Variants in MAPK14 observed in about 807,000 individuals in gnomAD.
MAPK14 encodes CSAID-binding protein.
In MAPK14, 16 loss-of-function variants were observed where a neutral mutation model predicts 49.6. That is an observed-to-expected ratio of 0.32 (90% CI 0.22 to 0.49). The LOEUF is 0.49. Ranked by LOEUF, MAPK14 falls within the 20% of genes least tolerant of loss-of-function variation. The pLI is 0.99. For missense variants in MAPK14, 200 were observed against 441.2 expected, an observed-to-expected ratio of 0.45 and a Z score of 4.90; for synonymous variants, 142 against 158.0, an observed-to-expected ratio of 0.90 and a Z score of 0.76.
chr6:36,064,413 GATA>G (rs1763963210), intron 3 of MAPK14, among the ~76,000 whole-genome samples: 1 of 152,062 alleles, frequency 6.6e-6, no homozygotes, highest in South Asian at 2.1e-4. Context: ...TTAGTCTTCT[GATA>G]CTTTTTCCTT....
the MAPK14 span, among the ~76,000 whole-genome samples, chr6:36,118,065 T>C: frequency 6.6e-6 from 1 of 152,262 alleles, no homozygotes; most frequent in African/African-American, 2.4e-5. Flanking sequence ...AGAATTGGCT[T>C]CTGATTCTCT....
intron 1 of MAPK14, among the ~76,000 whole-genome samples, chr6:36,047,635 C>T (rs1185081028): frequency 2.0e-5 from 3 of 152,164 alleles, no homozygotes; most frequent in Non-Finnish European, 4.4e-5. Context: ...GCCATCATGG[C>T]GCACCACAAC....
intron 5 of MAPK14, 143 bp from the exon 6 acceptor site, chr6:36,073,906 A>G: frequency 1.2e-6 from 1 of 847,886 alleles, no homozygotes; most frequent in African/African-American, 1.7e-5. Context: ...GCTAACTTGG[A>G]CTGGATATTG....
chr6:36,037,079 TA>T (rs893348330), intron 1 of MAPK14, among the ~76,000 whole-genome samples: 1 of 152,174 alleles, frequency 6.6e-6, no homozygotes, highest in African/African-American at 2.4e-5. Context: ...TGCATATATA[TA>T]TTTTTTTGAC....
intron 8 of MAPK14, among the ~76,000 whole-genome samples, chr6:36,092,854 T>C (rs1398626099): frequency 1.3e-5 from 2 of 152,110 alleles, no homozygotes; most frequent in African/African-American, 2.4e-5. Context: ...ATCAAGCTGC[T>C]CTGTGGAAGG....
In MAPK14 at chr6:36,108,915, C is replaced by T. The variant is rs559456531; in HGVS notation, c.*468C>T. On this transcript the variant is annotated 3_prime_UTR_variant, in exon 12 of 12. Transcript: ENST00000229794. ...AGAGAAGGCCCATACCTTCTGGTTG[C>T]TTCAGACCTGACACCGTCCCTCAGT... 5.0e-3 allele frequency: 855 copies of T among 170,546 alleles called. 3 individuals are homozygous for T. Among genetic ancestry groups the T allele is most frequent in the Non-Finnish European group, 8.0e-3 (630 of 78,374 alleles). The allele number at this position is 170,546 out of a possible 1,614,324, so 10.6% of individuals were successfully genotyped here.
chr6:36,072,662 G>A (rs554175950), intron 3 of MAPK14, among the ~76,000 whole-genome samples: 1 of 152,256 alleles, frequency 6.6e-6, no homozygotes, highest in South Asian at 2.1e-4. Context: ...CAACTCGGGA[G>A]GCTGAGGCAG....
At chr6:36,090,385 G>T (rs935220503) in intron 8 of MAPK14, among the ~76,000 whole-genome samples, 1 of 151,640 alleles carries the variant, frequency 6.6e-6, no homozygotes, top group Non-Finnish European at 1.5e-5. Flanking sequence ...ATGCAGTGGC[G>T]CAATCTCGGC....
the MAPK14 span, among the ~76,000 whole-genome samples, chr6:36,117,365 G>T: frequency 1.3e-5 from 2 of 152,186 alleles, no homozygotes; most frequent in Non-Finnish European, 2.9e-5. Context: ...TTTCTCTCCT[G>T]GTCTTTGTGC....
intron 8 of MAPK14, among the ~76,000 whole-genome samples, chr6:36,091,532 A>G (rs1468028801): frequency 2.0e-5 from 3 of 152,146 alleles, no homozygotes; most frequent in African/African-American, 7.2e-5. Context: ...GTTTTGCTTT[A>G]CTCCGCTAAT....
intron 10 of MAPK14, among the ~76,000 whole-genome samples, chr6:36,104,238 C>T (rs1334088414): frequency 6.6e-6 from 1 of 152,174 alleles, no homozygotes; most frequent in East Asian, 1.9e-4. Flanking sequence ...TACGATTCTA[C>T]TGAGACTGGC....
chr6:36,046,650 C>T (rs1265191672), intron 1 of MAPK14, among the ~76,000 whole-genome samples: 2 of 152,146 alleles, frequency 1.3e-5, no homozygotes, highest in African/African-American at 4.8e-5. Context: ...TATTTAATCA[C>T]TCTGTTGGAG....
chr6:36,072,851 G>GT lies in MAPK14; in HGVS notation c.306-21dup, dbSNP rs1429620743. ...TTTCTTAGGGGTTCTAGATTGTTATGTAACTTTTCACTAATTTCTAGGTAT... is the reference window on the plus strand; with the variant it reads ...TTTCTTAGGGGTTCTAGATTGTTATGTTAACTTTTCACTAATTTCTAGGTAT... On this transcript the variant is annotated intron_variant, in intron 3 of 11. Coordinates refer to ENST00000229794, the MANE Select transcript of MAPK14 (RefSeq NM_139012.3). 2.3e-6 allele frequency: 3 copies of GT among 1,284,676 alleles called. No homozygotes were observed. The African/African-American group carries it at 4.5e-5, about 19-fold the overall frequency. 79.6% of individuals were successfully genotyped at this position (1,284,676 alleles called of 1,614,324 possible). A position where few individuals can be genotyped will look rare whatever the true frequency, so the allele number is the denominator to read the frequency against.
chr6:36,069,146 A>G (rs1764172486), intron 3 of MAPK14, among the ~76,000 whole-genome samples: 2 of 152,214 alleles, frequency 1.3e-5, no homozygotes, highest in Admixed American at 1.3e-4. Flanking sequence ...CATTGACAAT[A>G]TTAGGCATGT....
chr6:36,072,605 A>G (rs922228793), intron 3 of MAPK14, among the ~76,000 whole-genome samples: 1 of 151,972 alleles, frequency 6.6e-6, no homozygotes, highest in African/African-American at 2.4e-5. Context: ...TCTCCACTAA[A>G]AATACAAAGA....
At chr6:36,070,887 T>C (rs1442496946) in intron 3 of MAPK14, among the ~76,000 whole-genome samples, 1 of 152,146 alleles carries the variant, frequency 6.6e-6, no homozygotes, top group Non-Finnish European at 1.5e-5. Context: ...TCTAAATTAC[T>C]GACCTGCTTT....
chr6:36,115,424 A>T (rs1465923932), downstream of MAPK14, among the ~76,000 whole-genome samples: 5 of 152,252 alleles, frequency 3.3e-5, no homozygotes, highest in Non-Finnish European at 7.3e-5. Context: ...TAGATAATTC[A>T]CACAATTTCA....
chr6:36,033,679 A>G (rs1762632393), intron 1 of MAPK14, among the ~76,000 whole-genome samples: 1 of 152,054 alleles, frequency 6.6e-6, no homozygotes, highest in Non-Finnish European at 1.5e-5. Flanking sequence ...TGCCAGTTTG[A>G]TTTCTTGATA....
At chr6:36,104,613 T>G (rs1365087746) in intron 10 of MAPK14, among the ~76,000 whole-genome samples, 1 of 152,178 alleles carries the variant, frequency 6.6e-6, no homozygotes, top group African/African-American at 2.4e-5. Flanking sequence ...GGTCTCGATC[T>G]CCTGACCTCG....
Sources: allele counts gnomAD v4.1 joint callset (sites outside exome capture counted in the v4.1 genomes callset), GRCh38; gene constraint gnomAD v4.1.1; transcripts MANE v1.5; gene names NCBI Gene and HGNC (gene_info 2026-07-23, HGNC 2026-07-21).